The following PLCH1 variants were observed in gnomAD, a reference collection of about 807,000 sequenced individuals.
PLCH1 encodes 1-phosphatidylinositol 4,5-bisphosphate phosphodiesterase eta-1.
A neutral mutation model predicts 126.7 loss-of-function variants in PLCH1; 60 were observed. That is an observed-to-expected ratio of 0.47 (90% CI 0.38 to 0.59). PLCH1 has a LOEUF of 0.59. PLCH1 is among the 20% of genes least tolerant of loss of function. The pLI is 0.00. For missense variants in PLCH1, 1,723 were observed against 2,040.0 expected (o/e 0.84, Z 2.99); for synonymous variants, 719 against 734.9 (o/e 0.98, Z 0.35).
rs532469525 is a variant in PLCH1 at position 155,491,371 on chromosome 3, C to T, written c.2308-503G>A. Among the ~76,000 whole-genome samples, 3 of 152,232 alleles carry T rather than the reference C, an allele frequency of 2.0e-5. No homozygotes were observed. The South Asian group carries it at 6.2e-4, about 32-fold the overall frequency. On this transcript the variant is annotated intron_variant, in intron 18 of 22. Transcript: ENST00000460012. ...CTCCACCTCCCAGGTTTAAGCCATC[C>T]TCCCACCTCAGCCTCCCGAGTAGCT...
At chr3:155,678,248 G>A (rs1744247276) in intron 2 of PLCH1, among the ~76,000 whole-genome samples, 1 of 152,152 alleles carries the variant, frequency 6.6e-6, no homozygotes, top group African/African-American at 2.4e-5. Context: ...CCCTGAAAAG[G>A]CTGACATGCA....
At chr3:155,469,099 C>T (rs1438340115) in intron 21 of PLCH1, among the ~76,000 whole-genome samples, 3 of 152,152 alleles carry the variant, frequency 2.0e-5, no homozygotes, top group East Asian at 3.9e-4. Flanking sequence ...GGAACAGCTC[C>T]GGTCTACAGC....
At chr3:155,488,870 C>A (rs1715731161) in intron 19 of PLCH1, 64 bp from the exon 20 acceptor site, 2 of 1,404,980 alleles carry the variant, frequency 1.4e-6, no homozygotes, top group African/African-American at 2.9e-5. Context: ...GAGTTGGCAG[C>A]AACATCTGCA....
At position 155,573,383 on chromosome 3, in the gene PLCH1, C is replaced by T. The variant is rs139996988; in HGVS notation, c.772-5059G>A. On this transcript the variant is annotated intron_variant, in intron 6 of 22. Transcript: ENST00000460012. ...CCCATAACCTAGAAACTTAAAACAA[C>T]GACTGTTTATTTGATAACAATTGTG... 4.3e-3 allele frequency among the ~76,000 whole-genome samples: 653 copies of T among 152,304 alleles called. 1 individual carries two copies. Among genetic ancestry groups the T allele is most frequent in the Admixed American group, 7.1e-3 (108 of 15,296 alleles).
At chr3:155,542,167 G>A (rs1047064301) in intron 10 of PLCH1, among the ~76,000 whole-genome samples, 2 of 152,156 alleles carry the variant, frequency 1.3e-5, no homozygotes, top group African/African-American at 2.4e-5. Context: ...CTGGAAAATC[G>A]GGTCACTCCC....
chr3:155,627,116 G>C (rs1189102301), intron 2 of PLCH1, among the ~76,000 whole-genome samples: 1 of 152,194 alleles, frequency 6.6e-6, no homozygotes, highest in African/African-American at 2.4e-5. Context: ...CATTGTGGAT[G>C]AAGTTAGGAG....
chr3:155,523,228 G>A (rs1202303774), intron 11 of PLCH1, among the ~76,000 whole-genome samples: 3 of 151,900 alleles, frequency 2.0e-5, no homozygotes, highest in South Asian at 2.1e-4. Context: ...TGCCCGCCTC[G>A]GCCTCCCAAA....
intron 3 of PLCH1, among the ~76,000 whole-genome samples, chr3:155,595,060 G>A (rs1405564957): frequency 6.6e-6 from 1 of 152,186 alleles, no homozygotes; most frequent in African/African-American, 2.4e-5. Flanking sequence ...CTGAGGAGAG[G>A]CAGAAACAGA....
Position 155,485,518 on chromosome 3 carries a change from C to G in PLCH1, c.2812G>C (p.Val938Leu). ...FQEMVEIKDS[V>L]SEATRDQDGV... ...TCTTGATCTCTTGTGGCCTCGGACA[C>G]AGAATCCTTTATCTCCACCATTTCT... The change falls in exon 22 of 23, where the codon GTG becomes CTG. Residue 938 changes from valine to leucine, a missense_variant. By Grantham distance (32) the Val-to-Leu change is conservative. Coordinates refer to ENST00000460012, the MANE Select transcript of PLCH1 (RefSeq NM_014996.4). 6.2e-7 allele frequency: 1 copy of G among 1,614,220 alleles called. No homozygotes were observed. Among genetic ancestry groups the G allele is most frequent in the Non-Finnish European group, 8.5e-7 (1 of 1,180,036 alleles).
At chr3:155,523,395 C>A (rs2108292401) in intron 11 of PLCH1, among the ~76,000 whole-genome samples, 1 of 152,230 alleles carries the variant, frequency 6.6e-6, no homozygotes, top group South Asian at 2.1e-4. Flanking sequence ...AAGATTTAGC[C>A]AAGAGGTCCA....
chr3:155,476,335 CA>C (rs1560035313), downstream of PLCH1, among the ~76,000 whole-genome samples: 2 of 152,070 alleles, frequency 1.3e-5, no homozygotes, highest in African/African-American at 4.8e-5. Flanking sequence ...CAGCTAGTAT[CA>C]TATTGAATGG....
At chr3:155,580,156 T>G (rs1344703567) in intron 6 of PLCH1, among the ~76,000 whole-genome samples, 1 of 152,236 alleles carries the variant, frequency 6.6e-6, no homozygotes, top group African/African-American at 2.4e-5. Flanking sequence ...ACTAATCATT[T>G]GTTCACTGTT....
chr3:155,641,111 A>G (rs1253278617), intron 2 of PLCH1, among the ~76,000 whole-genome samples: 2 of 152,088 alleles, frequency 1.3e-5, no homozygotes, highest in African/African-American at 4.8e-5. Flanking sequence ...CTGCAATAAG[A>G]AAGAATTTAG....
At chr3:155,720,979 G>C (rs1452270826) in intron 1 of PLCH1, among the ~76,000 whole-genome samples, 2 of 152,142 alleles carry the variant, frequency 1.3e-5, no homozygotes, top group Admixed American at 6.5e-5. Context: ...TGAATAGGGT[G>C]TCCTTTCCCC....
chr3:155,622,197 A>G (rs1736602088), intron 2 of PLCH1, among the ~76,000 whole-genome samples: 1 of 152,238 alleles, frequency 6.6e-6, no homozygotes, highest in Non-Finnish European at 1.5e-5. Flanking sequence ...AATCCTTTAC[A>G]GACAAGCAAA....
At chr3:155,627,912 C>A (rs1737537311) in intron 2 of PLCH1, among the ~76,000 whole-genome samples, 2 of 151,822 alleles carry the variant, frequency 1.3e-5, no homozygotes, top group Admixed American at 1.3e-4. Context: ...GGATTACAGG[C>A]ACCCACCACC....
intron 2 of PLCH1, among the ~76,000 whole-genome samples, chr3:155,649,701 G>A (rs538099089): frequency 1.2e-4 from 19 of 152,260 alleles, no homozygotes; most frequent in South Asian, 2.1e-4. Flanking sequence ...ATTAATGGCC[G>A]GGCGCGGTGG....
intron 2 of PLCH1, among the ~76,000 whole-genome samples, chr3:155,605,956 T>C (rs568607249): frequency 6.6e-6 from 1 of 152,114 alleles, no homozygotes; most frequent in Admixed American, 6.5e-5. Context: ...TGGGAAAATA[T>C]CTTCGTGGGA....
intron 10 of PLCH1, among the ~76,000 whole-genome samples, chr3:155,541,021 T>C (rs1351862169): frequency 6.6e-6 from 1 of 152,080 alleles, no homozygotes; most frequent in Admixed American, 6.5e-5. Flanking sequence ...ATAAAGAAAA[T>C]GTGGTATACA....
Sources: allele counts gnomAD v4.1 joint callset (sites outside exome capture counted in the v4.1 genomes callset), GRCh38; gene constraint gnomAD v4.1.1; transcripts MANE v1.5; gene names NCBI Gene and HGNC (gene_info 2026-07-23, HGNC 2026-07-21).